ADAMTSL1: variants seen among roughly 807,000 people sequenced by gnomAD.
ADAMTSL1 encodes the protein ADAMTS-like protein 1.
A neutral mutation model predicts 201.8 loss-of-function variants in ADAMTSL1; 126 were observed. That is an observed-to-expected ratio of 0.62 (90% CI 0.54 to 0.72). ADAMTSL1 has a LOEUF of 0.72. ADAMTSL1 is among the 30% of genes least tolerant of loss of function. The pLI, the probability that ADAMTSL1 is intolerant of heterozygous loss-of-function variation, is 0.00. For missense variants in ADAMTSL1, 2,679 were observed against 2,277.8 expected, an observed-to-expected ratio of 1.18 and a Z score of -3.59; for synonymous variants, 1,121 against 903.4, an observed-to-expected ratio of 1.24 and a Z score of -4.32.
chr9:18,296,864 C>A (rs1833497769), intron 2 of ADAMTSL1, among the ~76,000 whole-genome samples: 1 of 152,108 alleles, frequency 6.6e-6, no homozygotes. Flanking sequence ...ACCTTTAAGG[C>A]TAAAAATGCA....
At chr9:18,236,875 T>C (rs1454285682) in intron 2 of ADAMTSL1, among the ~76,000 whole-genome samples, 3 of 152,206 alleles carry the variant, frequency 2.0e-5, no homozygotes, top group African/African-American at 7.2e-5. Context: ...CTTAAAGAAA[T>C]ACAAAGGATC....
intron 19 of ADAMTSL1, among the ~76,000 whole-genome samples, chr9:18,778,420 A>T (rs1188559187): frequency 1.3e-5 from 2 of 152,218 alleles, no homozygotes; most frequent in African/African-American, 4.8e-5. Context: ...GAAAGCTTTT[A>T]TTCCCAGTGG....
At chr9:18,557,788 G>A (rs1772622819) in intron 3 of ADAMTSL1, among the ~76,000 whole-genome samples, 1 of 151,984 alleles carries the variant, frequency 6.6e-6, no homozygotes, top group Non-Finnish European at 1.5e-5. Context: ...CATGTTCCAT[G>A]AAGCAACTGC....
chr9:18,583,366 G>A (rs567720720), intron 4 of ADAMTSL1, among the ~76,000 whole-genome samples: 2 of 152,322 alleles, frequency 1.3e-5, no homozygotes, highest in East Asian at 3.9e-4. Flanking sequence ...GAGCCTGTGA[G>A]TGCACAGAAG....
chr9:18,311,364 T>G (rs1406995194), intron 2 of ADAMTSL1, among the ~76,000 whole-genome samples: 1 of 151,816 alleles, frequency 6.6e-6, no homozygotes, highest in Non-Finnish European at 1.5e-5. Context: ...AAAAAAAGTA[T>G]AATCCTTCAG....
At chr9:18,055,260 G>A (rs1822127669) in intron 1 of ADAMTSL1, among the ~76,000 whole-genome samples, 1 of 152,184 alleles carries the variant, frequency 6.6e-6, no homozygotes, top group East Asian at 1.9e-4. Flanking sequence ...AGACTGAGTT[G>A]TAAAATATAA....
intron 3 of ADAMTSL1, among the ~76,000 whole-genome samples, chr9:18,547,633 TAAAA>T (rs56789652): frequency 1.9e-4 from 16 of 86,268 alleles, no homozygotes; most frequent in Non-Finnish European, 6.4e-5. Flanking sequence ...TATATATATA[TAAAA>T]AAAAAAAAAA....
intron 14 of ADAMTSL1, among the ~76,000 whole-genome samples, chr9:18,717,144 G>T (rs1405530278): frequency 2.0e-5 from 3 of 150,626 alleles, no homozygotes; most frequent in African/African-American, 7.3e-5. Flanking sequence ...CAGATGACAA[G>T]TTAGTGGGTA....
intron 23 of ADAMTSL1, among the ~76,000 whole-genome samples, chr9:18,844,090 C>G (rs1182009314): frequency 6.6e-6 from 1 of 152,172 alleles, no homozygotes; most frequent in Admixed American, 6.5e-5. Flanking sequence ...AGCTGTGTTC[C>G]TTTGGATGAG....
Position 18,172,145 on chromosome 9 carries a change from G to T in ADAMTSL1, c.207+8164G>T, listed in dbSNP as rs542708018. Among the ~76,000 whole-genome samples, 4 of 148,586 alleles carry T rather than the reference G, an allele frequency of 2.7e-5. No homozygotes were observed. In the South Asian group the frequency reaches 8.7e-4, roughly 32 times the overall value. On this transcript the variant is annotated intron_variant, in intron 2 of 29. Coordinates refer to the ADAMTSL1 transcript ENST00000680146. ...GCTTGTCAGGGGGTGGGGGGCTGGG[G>T]AGGGATAGCATTAGGAGAAATACTT...
intron 2 of ADAMTSL1, among the ~76,000 whole-genome samples, chr9:18,176,007 CA>C (rs57982328): frequency 0.036 from 2,227 of 62,430 alleles, 33 homozygotes; most frequent in Non-Finnish European, 0.047. Context: ...AGAGGGAAAG[CA>C]AAAAAAAAAA....
chr9:18,776,007 A>G, intron 18 of ADAMTSL1, 111 bp downstream of exon 18: 1 of 1,382,874 alleles, frequency 7.2e-7, no homozygotes, highest in Non-Finnish European at 9.8e-7. Flanking sequence ...ATAGTGGGAC[A>G]GTAGAACCCC....
chr9:18,448,599 A>G (rs765701296), intron 2 of ADAMTSL1, among the ~76,000 whole-genome samples: 1 of 152,224 alleles, frequency 6.6e-6, no homozygotes, highest in Admixed American at 6.5e-5. Flanking sequence ...TATAAATATT[A>G]ATTGTAGATG....
intron 1 of ADAMTSL1, among the ~76,000 whole-genome samples, chr9:18,020,807 T>C (rs1246144010): frequency 6.6e-6 from 1 of 152,110 alleles, no homozygotes; most frequent in African/African-American, 2.4e-5. Flanking sequence ...AATATCAATT[T>C]TGTTTGCTAT....
chr9:18,461,937 A>G (rs978899130), intron 2 of ADAMTSL1, among the ~76,000 whole-genome samples: 59 of 152,220 alleles, frequency 3.9e-4, no homozygotes, highest in African/African-American at 1.2e-3. Context: ...GTGCATTCTC[A>G]AATCCAGCAC....
intron 23 of ADAMTSL1, among the ~76,000 whole-genome samples, chr9:18,873,118 T>C (rs2131469950): frequency 6.6e-6 from 1 of 152,350 alleles, no homozygotes; most frequent in East Asian, 1.9e-4. Flanking sequence ...TTTGTGTATC[T>C]TCTTTTGAGA....
intron 2 of ADAMTSL1, among the ~76,000 whole-genome samples, chr9:18,406,354 ACT>A (rs1293620780): frequency 2.7e-5 from 1 of 37,522 alleles, no homozygotes; most frequent in African/African-American, 6.2e-5. Context: ...TTTGACATGG[ACT>A]CTCACTCTGT....
chr9:18,638,433 G>A (rs147224407), intron 6 of ADAMTSL1, among the ~76,000 whole-genome samples: 14 of 151,970 alleles, frequency 9.2e-5, no homozygotes, highest in Admixed American at 3.9e-4. Flanking sequence ...ATCTTTCTTC[G>A]TGCAACATAA....
intron 1 of ADAMTSL1, among the ~76,000 whole-genome samples, chr9:18,048,307 A>T (rs1052262755): frequency 1.3e-5 from 2 of 152,206 alleles, no homozygotes; most frequent in African/African-American, 4.8e-5. Flanking sequence ...TGCGTGAATT[A>T]TATTGCTTCA....
Sources: allele counts gnomAD v4.1 joint callset (sites outside exome capture counted in the v4.1 genomes callset), GRCh38; gene constraint gnomAD v4.1.1; transcripts MANE v1.5; gene names NCBI Gene and HGNC (gene_info 2026-07-23, HGNC 2026-07-21).